CCSER1: variants seen among roughly 807,000 people sequenced by gnomAD.
The protein encoded by CCSER1 is serine-rich coiled-coil domain-containing protein 1.
CCSER1 carries 41 observed loss-of-function variants against 82.0 expected under a neutral mutation model. The observed-to-expected ratio is 0.50, with a 90% CI of 0.39 to 0.65. The LOEUF (loss-of-function observed/expected upper bound fraction) is 0.65. Among genes scored for constraint, CCSER1 ranks in the 30% least tolerant of loss-of-function variants. The pLI is 0.00. For synonymous variants in CCSER1, 414 were observed against 383.9 expected, an observed-to-expected ratio of 1.08 and a Z score of -0.92; for missense variants, 1,119 against 1,064.2, an observed-to-expected ratio of 1.05 and a Z score of -0.72.
At chr4:90,335,857 G>A (rs10008665) in intron 3 of CCSER1, among the ~76,000 whole-genome samples, 99,691 of 152,078 alleles carry the variant, frequency 0.66, 34,192 homozygotes, top group African/African-American at 0.86. Flanking sequence ...ATTTTAAGTG[G>A]TCCTCCCGCC....
At chr4:90,157,716 C>G (rs1728537197) in intron 1 of CCSER1, among the ~76,000 whole-genome samples, 1 of 134,592 alleles carries the variant, frequency 7.4e-6, no homozygotes, top group African/African-American at 2.5e-5. Flanking sequence ...CCTTGGCTTT[C>G]AGCTCCATCA....
intron 9 of CCSER1, among the ~76,000 whole-genome samples, chr4:91,077,779 A>C (rs1428204052): frequency 6.6e-6 from 1 of 152,222 alleles, no homozygotes; most frequent in Non-Finnish European, 1.5e-5. Context: ...CTTAGCAAAC[A>C]GCACACCAGG....
At chr4:91,100,680 A>G (rs1724971202) in intron 10 of CCSER1, among the ~76,000 whole-genome samples, 2 of 152,150 alleles carry the variant, frequency 1.3e-5, no homozygotes, top group African/African-American at 4.8e-5. Context: ...TACTTATGGC[A>G]TTGTTTATTG....
At chr4:91,051,336 T>C (rs2085893) in intron 9 of CCSER1, among the ~76,000 whole-genome samples, 26,198 of 152,114 alleles carry the variant, frequency 0.17, 2,344 homozygotes, top group Admixed American at 0.23. Flanking sequence ...TACAATTAAT[T>C]ATTTTATAGC....
chr4:90,259,221 A>T (rs72877777), intron 1 of CCSER1, among the ~76,000 whole-genome samples: 2,783 of 152,004 alleles, frequency 0.018, 46 homozygotes, highest in African/African-American at 0.049. Flanking sequence ...TAGGTATTTT[A>T]TTGTTTTTGC....
chr4:91,213,451 A>C (rs969366048), intron 10 of CCSER1, among the ~76,000 whole-genome samples: 14 of 152,134 alleles, frequency 9.2e-5, no homozygotes, highest in African/African-American at 3.4e-4. Context: ...GTTAATGGTA[A>C]CATCCATTCA....
chr4:90,766,586 G>T (rs1400059048), intron 7 of CCSER1, among the ~76,000 whole-genome samples: 2 of 152,120 alleles, frequency 1.3e-5, no homozygotes, highest in Non-Finnish European at 2.9e-5. Flanking sequence ...CCAGGCTGCA[G>T]TGAGCTATGA....
chr4:90,358,547 A>C (rs1326945144), intron 3 of CCSER1, among the ~76,000 whole-genome samples: 3 of 152,162 alleles, frequency 2.0e-5, no homozygotes, highest in Non-Finnish European at 4.4e-5. Context: ...GGACTTATAT[A>C]TTTAAAAGCA....
At chr4:90,135,774 A>G (rs1323982981) in intron 1 of CCSER1, among the ~76,000 whole-genome samples, 2 of 152,228 alleles carry the variant, frequency 1.3e-5, no homozygotes, top group Non-Finnish European at 2.9e-5. Context: ...TTGACAATAA[A>G]TATTTTATAA....
chr4:90,579,182 A>G (rs939013440), intron 5 of CCSER1, among the ~76,000 whole-genome samples: 1 of 152,146 alleles, frequency 6.6e-6, no homozygotes, highest in Non-Finnish European at 1.5e-5. Context: ...CAGGTGTGTC[A>G]TTGTTCAAAT....
At chr4:90,276,348 CTTTTTTTT>C (rs1219049059) in intron 1 of CCSER1, among the ~76,000 whole-genome samples, 1 of 91,502 alleles carries the variant, frequency 1.1e-5, no homozygotes, top group Non-Finnish European at 2.3e-5. Context: ...TTCTTTCTTT[CTTTTTTTT>C]TTTTTTTGGA....
intron 7 of CCSER1, among the ~76,000 whole-genome samples, chr4:90,742,091 C>A (rs112689443): frequency 2.7e-5 from 4 of 149,156 alleles, no homozygotes; most frequent in African/African-American, 9.8e-5. Context: ...GAGAGGGAGA[C>A]AGAGAGAGAG....
chr4:90,623,132 A>T (rs969057792), intron 5 of CCSER1, among the ~76,000 whole-genome samples: 36 of 145,180 alleles, frequency 2.5e-4, no homozygotes, highest in Non-Finnish European at 4.6e-4. Flanking sequence ...GGTTCACGCC[A>T]TTCTCCTGCC....
intron 10 of CCSER1, among the ~76,000 whole-genome samples, chr4:91,419,175 C>T (rs1041187526): frequency 2.0e-5 from 3 of 151,610 alleles, no homozygotes; most frequent in Admixed American, 1.3e-4. Context: ...AGGAGAAAGA[C>T]AAAAAAAGTC....
chr4:90,402,879 T>G (rs777384901), intron 4 of CCSER1, among the ~76,000 whole-genome samples: 1 of 152,222 alleles, frequency 6.6e-6, no homozygotes, highest in Non-Finnish European at 1.5e-5. Context: ...CTCTTGAGTC[T>G]ACTTTAAGGT....
chr4:91,565,219 G>C (rs1334217080), intron 10 of CCSER1, among the ~76,000 whole-genome samples: 1 of 151,898 alleles, frequency 6.6e-6, no homozygotes, highest in Non-Finnish European at 1.5e-5. Context: ...CCAATGTGCA[G>C]CCTTATTTCT....
chr4:91,182,559 G>T (rs775571824), intron 10 of CCSER1, among the ~76,000 whole-genome samples: 4 of 152,092 alleles, frequency 2.6e-5, no homozygotes, highest in African/African-American at 9.7e-5. Context: ...TTTCCTCTGT[G>T]GCTTGTCCTT....
At chr4:90,231,245 C>T (rs1449192509) in intron 1 of CCSER1, among the ~76,000 whole-genome samples, 3 of 152,050 alleles carry the variant, frequency 2.0e-5, no homozygotes, top group Non-Finnish European at 4.4e-5. Context: ...CAAACTGAAT[C>T]CAACAGCACA....
intron 10 of CCSER1, among the ~76,000 whole-genome samples, chr4:91,425,602 T>C (rs1323709675): frequency 1.3e-5 from 2 of 151,908 alleles, no homozygotes; most frequent in African/African-American, 4.9e-5. Context: ...TGGTCACTAG[T>C]AAGAATGGAC....
Sources: gnomAD v4.1 joint callset for allele counts (sites outside exome capture counted in the v4.1 genomes callset) on GRCh38, gnomAD v4.1.1 for gene constraint, MANE v1.5 for transcripts, NCBI Gene and HGNC (gene_info 2026-07-23, HGNC 2026-07-21) for gene names.